Variants in SYNE1 observed in about 807,000 individuals in gnomAD.
SYNE1 encodes spectrin repeat containing nuclear envelope protein 1.
Under a neutral mutation model 1,111.0 loss-of-function variants are expected in SYNE1, and 616 were observed. The observed-to-expected ratio is 0.55, with a 90% CI of 0.52 to 0.59. The LOEUF is 0.59. Among genes scored for constraint, SYNE1 ranks in the 20% least tolerant of loss-of-function variants. The pLI, the probability that SYNE1 is intolerant of heterozygous loss-of-function variation, is 0.00. For missense variants in SYNE1, 10,006 were observed against 10,417.0 expected (o/e 0.96, Z 1.72); for synonymous variants, 3,855 against 3,825.8 (o/e 1.01, Z -0.28).
chr6:152,273,496 T>G (rs1040203191), intron 98 of SYNE1, among the ~76,000 whole-genome samples: 5 of 152,238 alleles, frequency 3.3e-5, no homozygotes, highest in African/African-American at 1.2e-4. Context: ...ATGAGAAAAC[T>G]GATCCGTAAG....
intron 141 of SYNE1, among the ~76,000 whole-genome samples, chr6:152,136,023 C>T (rs2056994474): frequency 2.0e-5 from 3 of 152,202 alleles, no homozygotes; most frequent in African/African-American, 7.2e-5. Context: ...CAACATCCTT[C>T]CAATGTTAGC....
chr6:152,496,575 C>T (rs369367186), intron 11 of SYNE1, among the ~76,000 whole-genome samples: 1 of 152,138 alleles, frequency 6.6e-6, no homozygotes, highest in African/African-American at 2.4e-5. Flanking sequence ...AACAACCCCA[C>T]GATATCACCC....
At chr6:152,635,934 G>A (rs2099705136) in intron 2 of SYNE1, among the ~76,000 whole-genome samples, 1 of 152,224 alleles carries the variant, frequency 6.6e-6, no homozygotes, top group African/African-American at 2.4e-5. Flanking sequence ...CCTTCCCAAG[G>A]GGCTTCTTCC....
At position 152,329,827 on chromosome 6, in the gene SYNE1, G is replaced by C. The variant is rs764777515; in HGVS notation, c.14858C>G (p.Thr4953Arg). 2.0e-5 allele frequency: 32 copies of C among 1,614,046 alleles called. No individual in the cohort carries two copies. The highest frequency in any genetic ancestry group is 2.1e-5 in the Non-Finnish European group (25 of 1,180,038). ...ALSHKEKEKF[T>R]KAKELISADL... is the part of the protein sequence containing the mutation. ...CGCAGAAATCAGCTCCTTGGCCTTTGTGAACTTCTCCTTTTCCTTGTGACT... is the reference window on the plus strand; with the variant it reads ...CGCAGAAATCAGCTCCTTGGCCTTTCTGAACTTCTCCTTTTCCTTGTGACT... Residue 4953 changes from threonine to arginine, a missense_variant, in exon 78 of 146, where the codon ACA becomes AGA. Transcript: ENST00000367255.
At chr6:152,386,029 C>T (rs2097522143) in intron 54 of SYNE1, among the ~76,000 whole-genome samples, 191 bp from the exon 55 acceptor site, 1 of 152,138 alleles carries the variant, frequency 6.6e-6, no homozygotes, top group Non-Finnish European at 1.5e-5. Flanking sequence ...TTTGGAAAAG[C>T]AACTATTTTC....
chr6:152,210,529 T>C (rs1170980516), intron 124 of SYNE1, among the ~76,000 whole-genome samples: 2 of 152,222 alleles, frequency 1.3e-5, no homozygotes, highest in Admixed American at 1.3e-4. Context: ...GAAGATCTTT[T>C]ATGTACTTCC....
chr6:152,233,506 G>T (rs2083264239), intron 112 of SYNE1, among the ~76,000 whole-genome samples: 1 of 152,020 alleles, frequency 6.6e-6, no homozygotes, highest in South Asian at 2.1e-4. Context: ...TTGTATTTTA[G>T]TAGAGACGGG....
chr6:152,559,781 A>G (rs1257385081), intron 3 of SYNE1, among the ~76,000 whole-genome samples: 2 of 152,122 alleles, frequency 1.3e-5, no homozygotes, highest in Non-Finnish European at 2.9e-5. Context: ...AACAAAGATC[A>G]GGGCAGAAAT....
At chr6:152,411,133 G>A (rs1449863568) in intron 42 of SYNE1, among the ~76,000 whole-genome samples, 3 of 152,156 alleles carry the variant, frequency 2.0e-5, no homozygotes, top group Non-Finnish European at 2.9e-5. Flanking sequence ...AAATGCATAT[G>A]AATGTCCAAT....
At position 152,236,282 on chromosome 6, in the gene SYNE1, C is replaced by T; in HGVS notation, c.20221G>A (p.Glu6741Lys). ...LYQHLKSSLNEYQPKLYQVLD... is the reference protein window; with the variant it reads ...LYQHLKSSLNKYQPKLYQVLD... Reference sequence around the variant, plus strand: ...ACTTGATATAATTTGGGCTGGTATTCATTAAGGCTAGATTTTAAATGCTAA... The same window carrying T: ...ACTTGATATAATTTGGGCTGGTATTTATTAAGGCTAGATTTTAAATGCTAA... Residue 6741 changes from glutamate to lysine, a missense_variant, in exon 110 of 146, where the codon GAA becomes AAA. Glu to Lys is a moderately conservative substitution (Grantham distance 56, BLOSUM62 1). This residue lies in a region of SYNE1 where 2,182 missense variants were observed against 2,287.8 expected (regional missense o/e 0.95). Coordinates refer to ENST00000367255, the MANE Select transcript of SYNE1 (RefSeq NM_182961.4). 6.2e-7 allele frequency: 1 copy of T among 1,613,348 alleles called. No homozygotes were observed. The highest frequency in any genetic ancestry group is 8.5e-7 in the Non-Finnish European group (1 of 1,179,472).
At chr6:152,379,356 T>C (rs1466868835) in intron 56 of SYNE1, among the ~76,000 whole-genome samples, 1 of 152,212 alleles carries the variant, frequency 6.6e-6, no homozygotes, top group East Asian at 1.9e-4. Flanking sequence ...TTCGCAAACA[T>C]AGTAAATAGA....
intron 49 of SYNE1, 50 bp from the exon 50 acceptor site, chr6:152,397,030 T>G: frequency 6.3e-7 from 1 of 1,575,850 alleles, no homozygotes; most frequent in Non-Finnish European, 8.7e-7. Flanking sequence ...GCATTACAAT[T>G]GTGAGCTGAA....
chr6:152,362,813 T>A (rs2096956684), intron 63 of SYNE1, among the ~76,000 whole-genome samples: 1 of 152,002 alleles, frequency 6.6e-6, no homozygotes, highest in Non-Finnish European at 1.5e-5. Context: ...CCTGACTTGG[T>A]CTAAATAGTA....
At chr6:152,239,379 C>T (rs912043669) in intron 108 of SYNE1, among the ~76,000 whole-genome samples, 154 bp downstream of exon 108, 1 of 152,198 alleles carries the variant, frequency 6.6e-6, no homozygotes, top group African/African-American at 2.4e-5. Context: ...ATAAGCAACA[C>T]AGAACCATAG....
At chr6:152,208,526 G>A (rs1257160532) in intron 124 of SYNE1, among the ~76,000 whole-genome samples, 4 of 152,136 alleles carry the variant, frequency 2.6e-5, no homozygotes, top group Admixed American at 2.6e-4. Flanking sequence ...CAGGTGCAAC[G>A]GGAATAGCTG....
rs758105121 is a variant in SYNE1 at position 152,233,845 on chromosome 6, C to A, written c.20648G>T (p.Arg6883Leu). 12 of 1,614,046 alleles carry A rather than the reference C, an allele frequency of 7.4e-6. No individual in the cohort carries two copies. The Admixed American group carries it at 8.3e-5, about 11-fold the overall frequency. ...CAGGTCAGTCCACTGGCTATCAATG[C>A]GCGACAGCTCAGAGCGCAGCGTGGC... ...DTATLRSELS[R>L]IDSQWTDLLT... Residue 6883 changes from arginine (R) to leucine (L), a missense_variant, in exon 112 of 146, where the codon CGC becomes CTC. This residue lies in a region of SYNE1 where 2,182 missense variants were observed against 2,287.8 expected (regional missense o/e 0.95). Coordinates refer to ENST00000367255, the MANE Select transcript of SYNE1 (RefSeq NM_182961.4).
At position 152,206,333 on chromosome 6, in the gene SYNE1, T is replaced by C. The variant is rs772560317; in HGVS notation, c.22854A>G (p.Gln7618=). Residue 7618 remains glutamine (Q), a synonymous_variant, in exon 126 of 146, where the codon CAA becomes CAG. Coordinates refer to ENST00000367255, the MANE Select transcript of SYNE1 (RefSeq NM_182961.4). The part of the protein sequence containing the change: ...QFKEKVFLRQ[Q]GSYILTVEAG... ...CCTCCACAGTCAGGATGTAGCTGCCTTGTTGCCGCAGAAACACTTTTTCTT... is the reference window on the plus strand; with the variant it reads ...CCTCCACAGTCAGGATGTAGCTGCCCTGTTGCCGCAGAAACACTTTTTCTT... 2 of 1,614,004 alleles carry C rather than the reference T, an allele frequency of 1.2e-6. No individual in the cohort carries two copies. Among genetic ancestry groups the C allele is most frequent in the Middle Eastern group, 1.7e-4 (1 of 5,928 alleles).
intron 100 of SYNE1, among the ~76,000 whole-genome samples, chr6:152,263,421 C>T (rs1256900906): frequency 6.6e-6 from 1 of 151,950 alleles, no homozygotes; most frequent in African/African-American, 2.4e-5. Context: ...GACAGGGTTT[C>T]ACTCTGTCAC....
At chr6:152,369,718 C>G in intron 59 of SYNE1, 104 bp from the exon 60 acceptor site, 1 of 1,395,800 alleles carries the variant, frequency 7.2e-7, no homozygotes, top group Non-Finnish European at 9.9e-7. Context: ...CACAGTGGCT[C>G]ACGCCTGTAA....
Sources: gnomAD v4.1 joint callset for allele counts (sites outside exome capture counted in the v4.1 genomes callset) on GRCh38, gnomAD v4.1.1 for gene constraint, gnomAD v4.1.1 regional missense constraint, MANE v1.5 for transcripts, NCBI Gene and HGNC (gene_info 2026-07-23, HGNC 2026-07-21) for gene names.